Variants in SLC35F4 observed in about 807,000 individuals in gnomAD.
The protein encoded by SLC35F4 is solute carrier family 35 member F4.
SLC35F4 carries 24 observed loss-of-function variants against 44.2 expected under a neutral mutation model. That is an observed-to-expected ratio of 0.54 (90% CI 0.39 to 0.76). The LOEUF (loss-of-function observed/expected upper bound fraction) is 0.76, where lower values mean the gene tolerates loss of function less well. Among genes scored for constraint, SLC35F4 ranks in the 30% least tolerant of loss-of-function variants. The probability of loss-of-function intolerance (pLI) is 0.00; values close to 1 mark genes in which losing one functional copy is unlikely to be tolerated. For synonymous variants in SLC35F4, 238 were observed against 223.6 expected, an observed-to-expected ratio of 1.06 and a Z score of -0.57; for missense variants, 562 against 586.1, an observed-to-expected ratio of 0.96 and a Z score of 0.42.
chr14:57,640,909 C>G (rs549101494), intron 1 of SLC35F4, among the ~76,000 whole-genome samples: 27 of 151,896 alleles, frequency 1.8e-4, no homozygotes, highest in Non-Finnish European at 3.7e-4. Context: ...ATTGATATAG[C>G]ATGAACTTTA....
chr14:57,877,284 T>C (rs1318187941), intron 1 of SLC35F4, among the ~76,000 whole-genome samples: 4 of 152,196 alleles, frequency 2.6e-5, no homozygotes, highest in African/African-American at 9.7e-5. Flanking sequence ...CCTGTGTTAA[T>C]TGACTTAGGG....
intron 1 of SLC35F4, among the ~76,000 whole-genome samples, chr14:57,713,966 A>G (rs1080241): frequency 0.29 from 43,768 of 152,050 alleles, 7,621 homozygotes; most frequent in South Asian, 0.39. Flanking sequence ...TACAATTTCT[A>G]ACCACACAAA....
chr14:57,637,436 C>T (rs1202450839), intron 1 of SLC35F4, among the ~76,000 whole-genome samples: 1 of 152,120 alleles, frequency 6.6e-6, no homozygotes, highest in African/African-American at 2.4e-5. Flanking sequence ...AAGCTGTTGC[C>T]ATGCTGAAGC....
At chr14:57,978,111 G>A (rs1881271767) in intron 1 of SLC35F4, among the ~76,000 whole-genome samples, 1 of 152,116 alleles carries the variant, frequency 6.6e-6, no homozygotes, top group Non-Finnish European at 1.5e-5. Flanking sequence ...GAGGAGACAT[G>A]CTCTTTGCTG....
chr14:57,829,913 A>G (rs953158165), intron 1 of SLC35F4, among the ~76,000 whole-genome samples: 2 of 152,236 alleles, frequency 1.3e-5, no homozygotes, highest in African/African-American at 4.8e-5. Flanking sequence ...TGGTTTTTTA[A>G]CAGGAGAGTG....
chr14:57,574,918 A>G (rs1736156030), intron 4 of SLC35F4, among the ~76,000 whole-genome samples: 2 of 152,318 alleles, frequency 1.3e-5, no homozygotes, highest in African/African-American at 4.8e-5. Context: ...AGAAAAACAC[A>G]AAACGACTCT....
At position 57,739,838 on chromosome 14, in the gene SLC35F4, A is replaced by G. The variant is rs1234249429; in HGVS notation, c.103+125885T>C. Among the ~76,000 whole-genome samples the G allele has an allele frequency of 2.6e-5, 4 of 152,350 alleles. No individual in the cohort carries two copies. In the East Asian group the frequency reaches 7.7e-4, roughly 29 times the overall value. On this transcript the variant is annotated intron_variant, in intron 1 of 7. Coordinates refer to ENST00000556826, the MANE Select transcript of SLC35F4 (RefSeq NM_001306087.2). ...ATGGTGGGGCACCTAGCGTAGAGCC[A>G]ACTCTCAGCAAACAGTGGCTATTGG...
At chr14:57,820,001 T>C (rs1372806013) in intron 1 of SLC35F4, among the ~76,000 whole-genome samples, 1 of 152,078 alleles carries the variant, frequency 6.6e-6, no homozygotes, top group East Asian at 1.9e-4. Flanking sequence ...GGGGTGGAAT[T>C]GAGAATAACT....
At chr14:57,598,879 ATGTGTGTGTGTATGTGTGTGTGTG>A (rs1312890998) in intron 1 of SLC35F4, among the ~76,000 whole-genome samples, 6 of 111,572 alleles carry the variant, frequency 5.4e-5, no homozygotes, top group Non-Finnish European at 1.2e-4. Context: ...GATCTAGGGA[ATGTGTGTGTGTATGTGTGTGTGTG>A]TGTGTGTGTG....
chr14:57,620,972 C>A (rs1289092197), intron 1 of SLC35F4, among the ~76,000 whole-genome samples: 1 of 151,952 alleles, frequency 6.6e-6, no homozygotes, highest in African/African-American at 2.4e-5. Flanking sequence ...AGCAAAGTCT[C>A]AGGATACAAA....
intron 1 of SLC35F4, among the ~76,000 whole-genome samples, chr14:57,631,370 A>C (rs941034971): frequency 6.6e-6 from 1 of 152,122 alleles, no homozygotes; most frequent in Non-Finnish European, 1.5e-5. Flanking sequence ...TGGCAAAAAT[A>C]ATTTTAAAGG....
intron 1 of SLC35F4, among the ~76,000 whole-genome samples, chr14:57,736,968 T>C (rs1363517439): frequency 6.6e-6 from 1 of 152,112 alleles, no homozygotes; most frequent in East Asian, 1.9e-4. Flanking sequence ...TATAAATCAA[T>C]GATTAGTATC....
intron 1 of SLC35F4, among the ~76,000 whole-genome samples, chr14:57,698,728 C>A (rs528962503): frequency 6.6e-6 from 1 of 151,818 alleles, no homozygotes; most frequent in Admixed American, 6.6e-5. Context: ...ACCTCTACCT[C>A]CCAGGTTCAA....
At chr14:57,851,562 T>A (rs1457449191) in intron 1 of SLC35F4, among the ~76,000 whole-genome samples, 2 of 152,200 alleles carry the variant, frequency 1.3e-5, no homozygotes, top group East Asian at 1.9e-4. Flanking sequence ...CCTTGAAAAC[T>A]AGCAGTTAAA....
At chr14:57,750,268 A>C (rs1357041553) in intron 1 of SLC35F4, among the ~76,000 whole-genome samples, 1 of 152,134 alleles carries the variant, frequency 6.6e-6, no homozygotes, top group Admixed American at 6.6e-5. Flanking sequence ...TATATATACC[A>C]CATTTTCTTT....
At chr14:57,615,789 C>CT (rs2093091326) in intron 1 of SLC35F4, among the ~76,000 whole-genome samples, 1 of 100,296 alleles carries the variant, frequency 1.0e-5, no homozygotes. Flanking sequence ...ATCCTCTTTA[C>CT]AAAACAATAT....
chr14:57,673,105 A>G (rs1380919105), intron 1 of SLC35F4, among the ~76,000 whole-genome samples: 1 of 152,168 alleles, frequency 6.6e-6, no homozygotes, highest in Non-Finnish European at 1.5e-5. Context: ...ATGAATTTGA[A>G]TTACTAAATT....
intron 1 of SLC35F4, among the ~76,000 whole-genome samples, chr14:57,602,060 A>G (rs1250142963): frequency 6.6e-6 from 1 of 152,196 alleles, no homozygotes; most frequent in South Asian, 2.1e-4. Context: ...AAGATAATAT[A>G]TATTTCCCCA....
chr14:57,701,501 T>C (rs932482238), intron 1 of SLC35F4, among the ~76,000 whole-genome samples: 4 of 152,204 alleles, frequency 2.6e-5, no homozygotes, highest in African/African-American at 9.7e-5. Flanking sequence ...CCATACATAA[T>C]TGTATGTTAT....
Sources: allele counts gnomAD v4.1 joint callset (sites outside exome capture counted in the v4.1 genomes callset), GRCh38; gene constraint gnomAD v4.1.1; transcripts MANE v1.5; gene names NCBI Gene and HGNC (gene_info 2026-07-23, HGNC 2026-07-21).